AGFG1: variants seen among roughly 807,000 people sequenced by gnomAD.
AGFG1 encodes the protein ArfGAP with FG repeats 1.
AGFG1 carries 10 observed loss-of-function variants against 60.6 expected under a neutral mutation model. That is an observed-to-expected ratio of 0.16 (90% CI 0.10 to 0.28). AGFG1 has a LOEUF of 0.28. Ranked by LOEUF, AGFG1 falls within the 10% of genes least tolerant of loss-of-function variation. AGFG1 has a pLI of 1.00. For synonymous variants in AGFG1, 247 were observed against 242.9 expected (o/e 1.02, Z -0.16); for missense variants, 537 against 676.5 (o/e 0.79, Z 2.29).
At chr2:227,543,737 C>G (rs1422383187) in intron 10 of AGFG1, among the ~76,000 whole-genome samples, 1 of 152,152 alleles carries the variant, frequency 6.6e-6, no homozygotes, top group South Asian at 2.1e-4. Context: ...ATTGATCTGT[C>G]TGATGTTGAC....
intron 8 of AGFG1, among the ~76,000 whole-genome samples, chr2:227,536,360 CTG>C (rs1388923658): frequency 1.3e-5 from 2 of 152,136 alleles, no homozygotes; most frequent in Admixed American, 1.3e-4. Flanking sequence ...TGGCACCAAA[CTG>C]TACTAGTCGT....
At chr2:227,501,084 G>A (rs1290201121) in intron 2 of AGFG1, among the ~76,000 whole-genome samples, 1 of 151,784 alleles carries the variant, frequency 6.6e-6, no homozygotes, top group Admixed American at 6.6e-5. Flanking sequence ...GTGAGCCACC[G>A]TGCCCAGCCT....
At chr2:227,506,871 T>TCAA (rs1050747520) in intron 2 of AGFG1, among the ~76,000 whole-genome samples, 1 of 152,228 alleles carries the variant, frequency 6.6e-6, no homozygotes, top group Admixed American at 6.5e-5. Context: ...CCACGTAGTG[T>TCAA]CAACGTTCCT....
At chr2:227,544,146 CTTTTTTTTTTTT>C (rs71039605) in intron 10 of AGFG1, among the ~76,000 whole-genome samples, 8 of 75,800 alleles carry the variant, frequency 1.1e-4, no homozygotes, top group South Asian at 1.3e-3. Flanking sequence ...CATTCTGTGT[CTTTTTTTTTTTT>C]TTTTTTTTTT....
Position 227,478,329 on chromosome 2 carries a change from T to G in AGFG1, c.167+5741T>G, listed in dbSNP as rs188618404. On this transcript the variant is annotated intron_variant, in intron 1 of 12. Transcript: ENST00000310078. ...ATATATATATTTAGCAAGCATAGGT[T>G]TTTTTGTTTGTTTGGGTTTTGTTGT... Among the ~76,000 whole-genome samples, 104 of 151,630 alleles carry G rather than the reference T, an allele frequency of 6.9e-4. 1 individual carries two copies. Among genetic ancestry groups the G allele is most frequent in the African/African-American group, 2.3e-3 (95 of 41,394 alleles).
At chr2:227,502,048 G>A (rs1454249131) in intron 2 of AGFG1, among the ~76,000 whole-genome samples, 3 of 151,556 alleles carry the variant, frequency 2.0e-5, no homozygotes, top group Non-Finnish European at 2.9e-5. Context: ...TTGTAGAGAC[G>A]AGATCTCACT....
chr2:227,547,753 T>C lies in AGFG1; in HGVS notation c.1379-4206T>C, dbSNP rs576442213. Among the ~76,000 whole-genome samples the C allele has an allele frequency of 1.4e-4, 21 of 152,322 alleles. No individual in the cohort carries two copies. In the East Asian group the frequency reaches 3.7e-3, roughly 27 times the overall value. Reference sequence around the variant, plus strand: ...GTATATTGCTTGTGGGAATATAAAATGGTACAACCCCTTGGAAAACATTTT... The same window carrying C: ...GTATATTGCTTGTGGGAATATAAAACGGTACAACCCCTTGGAAAACATTTT... On this transcript the variant is annotated intron_variant, in intron 10 of 12. Coordinates refer to ENST00000310078, the MANE Select transcript of AGFG1 (RefSeq NM_004504.5).
chr2:227,475,613 A>G (rs1690258923), intron 1 of AGFG1, among the ~76,000 whole-genome samples: 2 of 152,232 alleles, frequency 1.3e-5, no homozygotes, highest in South Asian at 4.1e-4. Flanking sequence ...TATAATTGAA[A>G]GAATATGAAT....
chr2:227,489,313 T>A lies in AGFG1; in HGVS notation c.168-2234T>A, dbSNP rs559189315. 5.8e-5 allele frequency among the ~76,000 whole-genome samples: 8 copies of A among 137,976 alleles called. No homozygotes were observed. In the East Asian group the frequency reaches 1.7e-3, roughly 29 times the overall value. 90.5% of individuals were successfully genotyped at this position (137,976 alleles called of 152,430 possible). A position where few individuals can be genotyped will look rare whatever the true frequency, so the allele number is the denominator to read the frequency against. On this transcript the variant is annotated intron_variant, in intron 1 of 12. Coordinates refer to ENST00000310078, the MANE Select transcript of AGFG1 (RefSeq NM_004504.5). ...TGGCGCAATCTCAGCTCACTGCAAC[T>A]TCCGCCTCCTGGGGTCAAGCGATTC...
At chr2:227,516,482 G>C (rs1287951789) in intron 2 of AGFG1, among the ~76,000 whole-genome samples, 3 of 152,136 alleles carry the variant, frequency 2.0e-5, no homozygotes, top group Admixed American at 6.5e-5. Context: ...ATAACTTTGA[G>C]GGACTTTGAC....
In AGFG1 at chr2:227,555,126, T is replaced by G. The variant is rs536164936; in HGVS notation, c.*631T>G. The G allele has an allele frequency of 6.5e-6, 1 of 152,754 alleles. No individual in the cohort carries two copies. 9.5% of individuals were successfully genotyped at this position (152,754 alleles called of 1,614,324 possible). ...AAAAAATAAATATTATAAAATATGCTATTGTTTTTGTGTTCTTGCTGCAAT... is the reference window on the plus strand; with the variant it reads ...AAAAAATAAATATTATAAAATATGCGATTGTTTTTGTGTTCTTGCTGCAAT... On this transcript the variant is annotated 3_prime_UTR_variant, in exon 13 of 13. Coordinates refer to ENST00000310078, the MANE Select transcript of AGFG1 (RefSeq NM_004504.5).
At chr2:227,472,806 C>T (rs1690137666) in intron 1 of AGFG1, among the ~76,000 whole-genome samples, 1 of 151,186 alleles carries the variant, frequency 6.6e-6, no homozygotes, top group South Asian at 2.1e-4. Flanking sequence ...TTCGGTTTTG[C>T]CGGGCGAGGG....
At chr2:227,539,922 A>G (rs957720407) in intron 10 of AGFG1, among the ~76,000 whole-genome samples, 1 of 151,816 alleles carries the variant, frequency 6.6e-6, no homozygotes, top group Non-Finnish European at 1.5e-5. Flanking sequence ...TGCAGCCTCT[A>G]CCTCCCGGAT....
At chr2:227,495,023 A>G (rs1575072090) in intron 2 of AGFG1, among the ~76,000 whole-genome samples, 1 of 152,178 alleles carries the variant, frequency 6.6e-6, no homozygotes, top group East Asian at 1.9e-4. Context: ...GTGGTTTACA[A>G]ATTTCTTGAC....
intron 1 of AGFG1, among the ~76,000 whole-genome samples, chr2:227,476,971 G>A (rs1183757068): frequency 2.0e-5 from 3 of 150,578 alleles, no homozygotes; most frequent in African/African-American, 7.3e-5. Context: ...GTACGATCAC[G>A]GCTCACTGCA....
At chr2:227,547,870 A>G (rs984143031) in intron 10 of AGFG1, among the ~76,000 whole-genome samples, 1 of 152,200 alleles carries the variant, frequency 6.6e-6, no homozygotes, top group Non-Finnish European at 1.5e-5. Context: ...GAAAACATAG[A>G]TCTGCACAAA....
chr2:227,507,109 T>C (rs1003842900), intron 2 of AGFG1, among the ~76,000 whole-genome samples: 1 of 152,168 alleles, frequency 6.6e-6, no homozygotes, highest in African/African-American at 2.4e-5. Context: ...CTCAGTAGTT[T>C]TCCAAGTACA....
chr2:227,482,264 G>A (rs555436633), intron 1 of AGFG1, among the ~76,000 whole-genome samples: 1 of 152,244 alleles, frequency 6.6e-6, no homozygotes, highest in South Asian at 2.1e-4. Flanking sequence ...GGACCTTATG[G>A]TGTAGTATTT....
intron 2 of AGFG1, among the ~76,000 whole-genome samples, chr2:227,496,547 A>G (rs1690981683): frequency 6.6e-6 from 1 of 152,166 alleles, no homozygotes; most frequent in Admixed American, 6.5e-5. Flanking sequence ...GCAGTCTTCT[A>G]CATGCAGGAG....
Sources: gnomAD v4.1 joint callset for allele counts (sites outside exome capture counted in the v4.1 genomes callset) on GRCh38, gnomAD v4.1.1 for gene constraint, MANE v1.5 for transcripts, NCBI Gene and HGNC (gene_info 2026-07-23, HGNC 2026-07-21) for gene names.